The following LRRIQ3 variants were observed in gnomAD, a reference collection of about 807,000 sequenced individuals.
LRRIQ3 encodes leucine-rich repeat and IQ domain-containing protein 3.
LRRIQ3 carries 75 observed loss-of-function variants against 59.3 expected under a neutral mutation model. That is an observed-to-expected ratio of 1.26 (90% CI 1.05 to 1.53). LRRIQ3 has a LOEUF of 1.53. Ranked by LOEUF, LRRIQ3 falls within the 40% of genes most tolerant of loss-of-function variation. The pLI, the probability that LRRIQ3 is intolerant of heterozygous loss-of-function variation, is 0.00. For synonymous variants in LRRIQ3, 250 were observed against 231.3 expected (o/e 1.08, Z -0.73); for missense variants, 831 against 710.0 (o/e 1.17, Z -1.94).
intron 7 of LRRIQ3, among the ~76,000 whole-genome samples, chr1:74,028,711 AT>A (rs573894270): frequency 0.026 from 3,998 of 151,714 alleles, 173 homozygotes; most frequent in African/African-American, 0.092. Flanking sequence ...TCTCTGTATT[AT>A]TTTTTTTCAT....
chr1:74,151,661 C>T (rs187502778), intron 4 of LRRIQ3, among the ~76,000 whole-genome samples: 30 of 152,216 alleles, frequency 2.0e-4, no homozygotes, highest in African/African-American at 6.7e-4. Context: ...TCTAAAGGAT[C>T]TGAAGCATTC....
At chr1:74,043,060 G>T (rs12029234) in intron 6 of LRRIQ3, among the ~76,000 whole-genome samples, 1 of 151,802 alleles carries the variant, frequency 6.6e-6, no homozygotes, top group Non-Finnish European at 1.5e-5. Context: ...ATGCATTTCT[G>T]GGTCTATTTG....
intron 5 of LRRIQ3, among the ~76,000 whole-genome samples, chr1:74,092,493 G>C (rs1409162155): frequency 2.0e-5 from 3 of 151,996 alleles, no homozygotes; most frequent in Non-Finnish European, 4.4e-5. Flanking sequence ...AAGAGCTGGT[G>C]ACCCTTGTTA....
At chr1:74,142,672 G>A (rs1647310919) in intron 4 of LRRIQ3, among the ~76,000 whole-genome samples, 1 of 151,980 alleles carries the variant, frequency 6.6e-6, no homozygotes, top group African/African-American at 2.4e-5. Context: ...ACAAATGCTT[G>A]CTTAAAAGAG....
At chr1:74,132,910 C>T (rs1647049877) in intron 4 of LRRIQ3, among the ~76,000 whole-genome samples, 1 of 152,014 alleles carries the variant, frequency 6.6e-6, no homozygotes, top group Non-Finnish European at 1.5e-5. Context: ...AAGAAACTAC[C>T]ATCAGAATGA....
Position 74,084,297 on chromosome 1 carries a change from T to C in LRRIQ3, c.868-9507A>G. ...GAGGTGTACCATTAGTTAACAATAATCAGCAAACATTACATTTTGCCTGGA... is the reference window on the plus strand; with the variant it reads ...GAGGTGTACCATTAGTTAACAATAACCAGCAAACATTACATTTTGCCTGGA... On this transcript the variant is annotated intron_variant, in intron 5 of 7. Coordinates refer to ENST00000354431, the MANE Select transcript of LRRIQ3 (RefSeq NM_001105659.2). The C allele has an allele frequency of 2.2e-6, 3 of 1,383,756 alleles. No homozygotes were observed. The South Asian group carries it at 4.0e-5, about 19-fold the overall frequency. The allele number at this position is 1,383,756 out of a possible 1,614,324, so 85.7% of individuals were successfully genotyped here. A position where few individuals can be genotyped will look rare whatever the true frequency, so the allele number is the denominator to read the frequency against.
At chr1:74,081,573 T>C (rs1453105881) in intron 5 of LRRIQ3, among the ~76,000 whole-genome samples, 1 of 151,622 alleles carries the variant, frequency 6.6e-6, no homozygotes, top group African/African-American at 2.4e-5. Flanking sequence ...GTTTGTGTAT[T>C]GTAGTAATTG....
chr1:74,140,461 T>C (rs1647214787), intron 4 of LRRIQ3, among the ~76,000 whole-genome samples: 1 of 151,758 alleles, frequency 6.6e-6, no homozygotes, highest in South Asian at 2.1e-4. Context: ...ATAATACATC[T>C]ACAATCACAG....
chr1:74,058,460 G>T (rs942518254), intron 6 of LRRIQ3, among the ~76,000 whole-genome samples: 1 of 151,648 alleles, frequency 6.6e-6, no homozygotes, highest in African/African-American at 2.4e-5. Context: ...AGTGATATAA[G>T]CCAGGTACAG....
chr1:74,050,499 C>T (rs1178041010), intron 6 of LRRIQ3: 4 of 985,000 alleles, frequency 4.1e-6, no homozygotes, highest in Non-Finnish European at 4.8e-6. Flanking sequence ...CAGAGCAACA[C>T]AGAAGCCAAT....
At chr1:74,082,567 A>C (rs765696414) in intron 5 of LRRIQ3, 1 of 151,586 alleles carries the variant, frequency 6.6e-6, no homozygotes, top group Non-Finnish European at 1.5e-5. Flanking sequence ...TTTATGAAAG[A>C]TTTAGAAAAA....
intron 3 of LRRIQ3, among the ~76,000 whole-genome samples, chr1:74,164,852 G>A (rs1570242438): frequency 6.6e-6 from 1 of 151,562 alleles, no homozygotes; most frequent in South Asian, 2.1e-4. Flanking sequence ...CTTAGACTGA[G>A]GAGTTTTGAT....
chr1:74,182,958 C>T, intron 2 of LRRIQ3, 97 bp from the exon 3 acceptor site: 1 of 625,870 alleles, frequency 1.6e-6, no homozygotes, highest in East Asian at 3.0e-5. Flanking sequence ...TCAATATTCC[C>T]CAAATAGCAA....
intron 5 of LRRIQ3, chr1:74,084,171 C>T (rs1288891756): frequency 6.5e-7 from 1 of 1,546,920 alleles, no homozygotes; most frequent in Non-Finnish European, 8.7e-7. Flanking sequence ...TGAATACACA[C>T]ATCCAGCCCA....
chr1:74,097,444 G>C (rs1048175036), intron 5 of LRRIQ3, among the ~76,000 whole-genome samples: 22 of 152,130 alleles, frequency 1.4e-4, no homozygotes, highest in African/African-American at 4.8e-4. Flanking sequence ...GTACCTAAAA[G>C]TGACAAGGAG....
intron 7 of LRRIQ3, among the ~76,000 whole-genome samples, chr1:74,029,357 T>A (rs1653624010): frequency 6.6e-6 from 1 of 152,172 alleles, no homozygotes; most frequent in South Asian, 2.1e-4. Context: ...GGGTTTGTCA[T>A]AAATAGCTCT....
intron 7 of LRRIQ3, among the ~76,000 whole-genome samples, chr1:74,034,642 A>G (rs895293979): frequency 6.7e-6 from 1 of 149,642 alleles, no homozygotes; most frequent in African/African-American, 2.5e-5. Flanking sequence ...ACAGACACAC[A>G]CACACACACA....
chr1:74,065,215 A>T (rs1654833782), intron 6 of LRRIQ3, among the ~76,000 whole-genome samples: 1 of 152,092 alleles, frequency 6.6e-6, no homozygotes, highest in Non-Finnish European at 1.5e-5. Context: ...AAGCTCAACA[A>T]ATGTTCATCC....
intron 7 of LRRIQ3, among the ~76,000 whole-genome samples, chr1:74,040,944 G>A (rs189476260): frequency 3.3e-5 from 5 of 152,282 alleles, no homozygotes; most frequent in Middle Eastern, 3.4e-3. Flanking sequence ...AGAGGCTGAT[G>A]ATGATGCCAT....
Sources: allele counts gnomAD v4.1 joint callset (sites outside exome capture counted in the v4.1 genomes callset), GRCh38; gene constraint gnomAD v4.1.1; transcripts MANE v1.5; gene names NCBI Gene and HGNC (gene_info 2026-07-23, HGNC 2026-07-21).